The following FAM193A variants were observed in gnomAD, a reference collection of about 807,000 sequenced individuals.
FAM193A encodes family with sequence similarity 193 member A, also known as protein FAM193A.
FAM193A carries 22 observed loss-of-function variants against 126.5 expected under a neutral mutation model. The observed-to-expected ratio is 0.17, with a 90% CI of 0.12 to 0.25. FAM193A has a LOEUF of 0.25. FAM193A is among the 10% of genes least tolerant of loss of function. The probability of loss-of-function intolerance (pLI) is 1.00; values close to 1 mark genes in which losing one functional copy is unlikely to be tolerated. For missense variants in FAM193A, 1,675 were observed against 1,672.8 expected, an observed-to-expected ratio of 1.00 and a Z score of -0.02; for synonymous variants, 761 against 646.8, an observed-to-expected ratio of 1.18 and a Z score of -2.68.
intron 13 of FAM193A, among the ~76,000 whole-genome samples, chr4:2,674,466 G>A (rs1247365446): frequency 1.3e-5 from 2 of 152,154 alleles, no homozygotes; most frequent in African/African-American, 4.8e-5. Context: ...AGGATTGTTG[G>A]GCAAGAAGTT....
rs775639396 is a variant in FAM193A at position 2,699,867 on chromosome 4, C to A, written c.3695C>A (p.Pro1232Gln). 6.2e-6 allele frequency: 10 copies of A among 1,613,982 alleles called. No homozygotes were observed. The highest frequency in any genetic ancestry group is 8.5e-6 in the Non-Finnish European group (10 of 1,179,956). ...RAVKKKKKER[P>Q]SKDCPKLDML... ...GTAAAAAAGAAGAAGAAGGAGAGGC[C>A]AAGTAAAGACTGCCCCAAGTTGGAC... The change falls in exon 19 of 21, where the codon CCA becomes CAA. Residue 1232 changes from proline (P) to glutamine (Q), a missense_variant. Coordinates refer to ENST00000637812, the MANE Select transcript of FAM193A (RefSeq NM_001366318.2).
At chr4:2,621,507 T>C (rs1431820399) in intron 2 of FAM193A, among the ~76,000 whole-genome samples, 1 of 152,168 alleles carries the variant, frequency 6.6e-6, no homozygotes, top group African/African-American at 2.4e-5. Context: ...AAAGCTGTGG[T>C]AAGAAATACG....
At chr4:2,607,918 T>A in intron 2 of FAM193A, 2 of 1,160,840 alleles carry the variant, frequency 1.7e-6, no homozygotes, top group Non-Finnish European at 2.4e-6. Context: ...TTTCACTATG[T>A]GATGGTGTCG....
At chr4:2,550,771 T>TTTA in intron 1 of FAM193A, among the ~76,000 whole-genome samples, 1 of 140,090 alleles carries the variant, frequency 7.1e-6, no homozygotes, top group South Asian at 2.4e-4. Context: ...CAATTTATAT[T>TTTA]TTTATTTATT....
chr4:2,596,773 C>T (rs992268269), intron 2 of FAM193A, among the ~76,000 whole-genome samples: 13 of 143,028 alleles, frequency 9.1e-5, no homozygotes, highest in Non-Finnish European at 1.7e-4. Context: ...CTGGGAAGAC[C>T]GCACCCTTAC....
In FAM193A at chr4:2,712,357, C is replaced by A. The variant is rs538272967; in HGVS notation, c.4373-3666C>A. On this transcript the variant is annotated intron_variant, in intron 19 of 20. Transcript: ENST00000637812. ...ATTAATATGTTTCTGTGTTTTCTTG[C>A]ATCTCCTGTTTCCGTGTTGTTTGGT... Among the ~76,000 whole-genome samples, 4 of 152,282 alleles carry A rather than the reference C, an allele frequency of 2.6e-5. No individual in the cohort carries two copies. The South Asian group carries it at 8.3e-4, about 32-fold the overall frequency.
At chr4:2,583,555 T>G (rs1740071670) in intron 1 of FAM193A, among the ~76,000 whole-genome samples, 2 of 152,178 alleles carry the variant, frequency 1.3e-5, no homozygotes, top group South Asian at 4.1e-4. Context: ...TGTCTTTGCT[T>G]CTTCGGGCTC....
intron 2 of FAM193A, among the ~76,000 whole-genome samples, chr4:2,618,738 G>A (rs1051816268): frequency 2.6e-5 from 4 of 151,964 alleles, no homozygotes; most frequent in Non-Finnish European, 5.9e-5. Flanking sequence ...TGGGATTACA[G>A]GCGTGTGCCA....
At chr4:2,538,899 A>T (rs1293969495) in intron 1 of FAM193A, among the ~76,000 whole-genome samples, 13 of 150,338 alleles carry the variant, frequency 8.6e-5, no homozygotes, top group Admixed American at 1.3e-4. Context: ...ATTTTTATTT[A>T]TTTTTTTTTG....
chr4:2,717,331 A>C (rs111559317), intron 20 of FAM193A, among the ~76,000 whole-genome samples: 1 of 151,882 alleles, frequency 6.6e-6, no homozygotes, highest in Non-Finnish European at 1.5e-5. Context: ...GGTGGCTCAC[A>C]CCTGTAATCC....
intron 2 of FAM193A, among the ~76,000 whole-genome samples, chr4:2,606,003 T>G (rs1321615470): frequency 4.9e-5 from 7 of 143,822 alleles, no homozygotes; most frequent in African/African-American, 1.8e-4. Flanking sequence ...AAAAAATGGT[T>G]TAGTAAGTAG....
chr4:2,593,629 C>T (rs1007296781), intron 1 of FAM193A, among the ~76,000 whole-genome samples: 1 of 152,202 alleles, frequency 6.6e-6, no homozygotes, highest in Non-Finnish European at 1.5e-5. Context: ...CTCAGTAAAT[C>T]CTGGATGACT....
chr4:2,644,153 T>C (rs1744905379), intron 6 of FAM193A, among the ~76,000 whole-genome samples: 1 of 152,214 alleles, frequency 6.6e-6, no homozygotes, highest in African/African-American at 2.4e-5. Context: ...ACAGCTTTGC[T>C]TGCAGGGAAG....
At chr4:2,660,407 TTTC>T (rs1712290528) in intron 10 of FAM193A, among the ~76,000 whole-genome samples, 1 of 152,234 alleles carries the variant, frequency 6.6e-6, no homozygotes, top group Admixed American at 6.5e-5. Context: ...CTCATGCTTG[TTTC>T]ATGTCTTGCT....
Position 2,672,265 on chromosome 4 carries a change from C to G in FAM193A, c.2224C>G (p.Leu742Val). 2 of 1,614,192 alleles carry G rather than the reference C, an allele frequency of 1.2e-6. No individual in the cohort carries two copies. The highest frequency in any genetic ancestry group is 1.7e-6 in the Non-Finnish European group (2 of 1,180,042). The change falls in exon 13 of 21, where the codon CTT (leucine) becomes GTT (valine). Residue 742 changes from leucine to valine, a missense_variant. By Grantham distance (32) the Leu-to-Val change is conservative (BLOSUM62 1). Around this residue, in one of 4 missense-constraint regions of FAM193A, gnomAD observed 1,186 missense variants for 1,109.2 expected, o/e 1.07. Transcript: ENST00000637812. ...PEKPTHPALH[L>V]YPHIHGHVPL... ...GAAGCCCACACACCCTGCACTGCACCTTTACCCTCACATCCATGGACATGT... is the reference window on the plus strand; with the variant it reads ...GAAGCCCACACACCCTGCACTGCACGTTTACCCTCACATCCATGGACATGT...
At chr4:2,606,901 G>C (rs1245525415) in intron 2 of FAM193A, among the ~76,000 whole-genome samples, 1 of 152,186 alleles carries the variant, frequency 6.6e-6, no homozygotes, top group African/African-American at 2.4e-5. Flanking sequence ...GAAAAGCTCA[G>C]ATTTTATTGG....
intron 15 of FAM193A, among the ~76,000 whole-genome samples, chr4:2,693,158 A>G (rs1476664575): frequency 6.6e-6 from 1 of 152,060 alleles, no homozygotes; most frequent in African/African-American, 2.4e-5. Flanking sequence ...AGCTGGGACT[A>G]CAGGTATGTG....
At chr4:2,642,352 A>G (rs527294046) in intron 6 of FAM193A, among the ~76,000 whole-genome samples, 59 of 152,142 alleles carry the variant, frequency 3.9e-4, no homozygotes, top group Non-Finnish European at 7.9e-4. Context: ...GCGTGTGGCC[A>G]GCTGGCAGGT....
chr4:2,663,924 G>A (rs1238038321), intron 12 of FAM193A, among the ~76,000 whole-genome samples: 4 of 152,168 alleles, frequency 2.6e-5, no homozygotes, highest in Admixed American at 1.3e-4. Context: ...CCAAGATTGC[G>A]CCACTGCACT....
Sources: gnomAD v4.1 joint callset for allele counts (sites outside exome capture counted in the v4.1 genomes callset) on GRCh38, gnomAD v4.1.1 for gene constraint, gnomAD v4.1.1 regional missense constraint, MANE v1.5 for transcripts, NCBI Gene and HGNC (gene_info 2026-07-23, HGNC 2026-07-21) for gene names.